ZBTB5: variants seen among roughly 807,000 people sequenced by gnomAD.
ZBTB5 encodes zinc finger and BTB domain containing 5.
ZBTB5 carries 15 observed loss-of-function variants against 37.9 expected under a neutral mutation model. The observed-to-expected ratio is 0.40, with a 90% CI of 0.26 to 0.61. The LOEUF (loss-of-function observed/expected upper bound fraction) is 0.61, where lower values mean the gene tolerates loss of function less well. ZBTB5 is among the 20% of genes least tolerant of loss of function. ZBTB5 has a pLI of 0.47. For synonymous variants in ZBTB5, 315 were observed against 312.4 expected (o/e 1.01, Z -0.09); for missense variants, 708 against 856.8 (o/e 0.83, Z 2.17).
At chr9:37,451,783 G>C (rs1262238556) in intron 1 of ZBTB5, among the ~76,000 whole-genome samples, 2 of 152,132 alleles carry the variant, frequency 1.3e-5, no homozygotes, top group African/African-American at 4.8e-5. Flanking sequence ...TGATTGGTTG[G>C]CTTAGGGATG....
At chr9:37,452,184 C>T (rs148198367) in intron 1 of ZBTB5, among the ~76,000 whole-genome samples, 251 of 152,284 alleles carry the variant, frequency 1.6e-3, no homozygotes, top group African/African-American at 5.6e-3. Flanking sequence ...AAGATGGGGT[C>T]GGTTAGGTCT....
chr9:37,464,217 G>A (rs959803382), intron 1 of ZBTB5, among the ~76,000 whole-genome samples: 43 of 152,188 alleles, frequency 2.8e-4, no homozygotes, highest in African/African-American at 9.9e-4. Flanking sequence ...ATGACTTAAT[G>A]ACTAAGGCAC....
In ZBTB5 at chr9:37,440,996, C is replaced by T. The variant is rs190055921; in HGVS notation, c.1556G>A (p.Arg519Lys). ...SGLGLHSSFSRVMIGSPRGGA... is the reference protein window; with the variant it reads ...SGLGLHSSFSKVMIGSPRGGA... ...TCCCCTTGGGGAACCTATCATTACCCTGGAGAAGGAGGAGTGGAGGCCCAA... is the reference window on the plus strand; with the variant it reads ...TCCCCTTGGGGAACCTATCATTACCTTGGAGAAGGAGGAGTGGAGGCCCAA... Residue 519 changes from arginine to lysine, a missense_variant, in exon 2 of 2, where the codon AGG becomes AAG. Around this residue, in one of 3 missense-constraint regions of ZBTB5, gnomAD observed 639 missense variants for 690.5 expected, o/e 0.93. Transcript: ENST00000307750. 3.6e-5 allele frequency: 58 copies of T among 1,614,204 alleles called. 1 individual carries two copies. The Admixed American group carries it at 6.8e-4, about 19-fold the overall frequency.
At chr9:37,465,053 C>T (rs139139916) in intron 1 of ZBTB5, among the ~76,000 whole-genome samples, 162 bp downstream of exon 1, 38 of 152,330 alleles carry the variant, frequency 2.5e-4, no homozygotes, top group Non-Finnish European at 4.6e-4. Flanking sequence ...GGCCCCTTGG[C>T]TCCAACGGTA....
At chr9:37,460,984 G>A (rs1362600656) in intron 1 of ZBTB5, among the ~76,000 whole-genome samples, 1 of 152,140 alleles carries the variant, frequency 6.6e-6, no homozygotes. Context: ...CAGAGAAGAT[G>A]AACATGGACT....
rs1824375549 is a variant in ZBTB5 at position 37,465,382 on chromosome 9, C to T, written c.-172G>A. The stretch of plus-strand genomic sequence containing the variant: ...TCCCACCCCGCCTCTAGTCCCCTAG[C>T]TCCTCCAGCCAGTTCGCCGCAGCAC... On this transcript the variant is annotated 5_prime_UTR_variant, in exon 1 of 2. Coordinates refer to ENST00000307750, the MANE Select transcript of ZBTB5 (RefSeq NM_014872.3). The T allele has an allele frequency of 6.7e-6, 1 of 148,916 alleles. No individual in the cohort carries two copies. Among genetic ancestry groups the T allele is most frequent in the Non-Finnish European group, 1.5e-5 (1 of 67,090 alleles). The allele number at this position is 148,916 out of a possible 1,614,324, so 9.2% of individuals were successfully genotyped here.
intron 1 of ZBTB5, among the ~76,000 whole-genome samples, chr9:37,454,293 G>T (rs1292185355): frequency 3.3e-5 from 5 of 152,224 alleles, no homozygotes. Flanking sequence ...CAGAAGGCCA[G>T]TCTAAAAGCC....
chr9:37,454,735 T>C (rs1441158105), intron 1 of ZBTB5, among the ~76,000 whole-genome samples: 6 of 152,240 alleles, frequency 3.9e-5, no homozygotes, highest in Admixed American at 3.9e-4. Flanking sequence ...TATACCCACA[T>C]GCTTCTCAAT....
In ZBTB5 at chr9:37,455,910, ATCC is replaced by A. The variant is rs1303951000; in HGVS notation, c.-5+9302_-5+9304del. 2.6e-5 allele frequency among the ~76,000 whole-genome samples: 4 copies of A among 151,814 alleles called. No individual in the cohort carries two copies. The East Asian group carries it at 5.8e-4, about 22-fold the overall frequency. On this transcript the variant is annotated intron_variant, in intron 1 of 1. Coordinates refer to ENST00000307750, the MANE Select transcript of ZBTB5 (RefSeq NM_014872.3). Reference sequence around the variant, plus strand: ...GCTTTTGAACTCCAGCGCTCAAGCAATCCTCCTACCACAGGCTCCGGAAGTGCA... The same window carrying A: ...GCTTTTGAACTCCAGCGCTCAAGCAATCCTACCACAGGCTCCGGAAGTGCA...
At chr9:37,449,891 A>C (rs1824067120) in intron 1 of ZBTB5, among the ~76,000 whole-genome samples, 1 of 152,100 alleles carries the variant, frequency 6.6e-6, no homozygotes. Flanking sequence ...GGTGCCAATC[A>C]TGTTCAAAAT....
intron 1 of ZBTB5, among the ~76,000 whole-genome samples, chr9:37,456,678 C>T (rs1824193427): frequency 6.6e-6 from 1 of 152,220 alleles, no homozygotes; most frequent in Non-Finnish European, 1.5e-5. Flanking sequence ...TAGTGCCCTA[C>T]TTAGGTTCCT....
intron 1 of ZBTB5, among the ~76,000 whole-genome samples, chr9:37,451,576 A>C (rs75795025): frequency 2.0e-5 from 3 of 151,284 alleles, no homozygotes; most frequent in Non-Finnish European, 2.9e-5. Context: ...AAAAAAAAAA[A>C]AGACAGACGT....
intron 1 of ZBTB5, among the ~76,000 whole-genome samples, chr9:37,442,913 A>G (rs1490487901): frequency 6.6e-6 from 1 of 152,246 alleles, no homozygotes; most frequent in African/African-American, 2.4e-5. Context: ...AGGATGAGGA[A>G]TGAATACCAA....
Position 37,442,126 on chromosome 9 carries a change from G to A in ZBTB5, c.426C>T (p.Arg142=). Residue 142 remains arginine (R), a synonymous_variant, in exon 2 of 2, where the codon CGC becomes CGT. Transcript: ENST00000307750. Reference sequence around the variant, plus strand: ...GTCCCAGCTGCTGTAGCATAAAGGAGCGCTGCATGCGGGCGCTCTGCTCCT... The same window carrying A: ...GTCCCAGCTGCTGTAGCATAAAGGAACGCTGCATGCGGGCGCTCTGCTCCT... ...RVQEQSARMQ[R]SFMLQQLGLS... is the part of the protein sequence containing the mutation. 1 of 1,614,212 alleles carries A rather than the reference G, an allele frequency of 6.2e-7. No individual in the cohort carries two copies. Among genetic ancestry groups the A allele is most frequent in the Non-Finnish European group, 8.5e-7 (1 of 1,180,046 alleles).
In ZBTB5 at chr9:37,454,066, CCA is replaced by C. The variant is rs1413219954; in HGVS notation, c.-5+11147_-5+11148del. On this transcript the variant is annotated intron_variant, in intron 1 of 1. Transcript: ENST00000307750. Reference sequence around the variant, plus strand: ...TAACCTGGTTTGTGTTGGATCTCTGCCACACAGTCAAACATGAAGTTCAAATT... The same window carrying C: ...TAACCTGGTTTGTGTTGGATCTCTGCCACAGTCAAACATGAAGTTCAAATT... 1.1e-4 allele frequency among the ~76,000 whole-genome samples: 16 copies of C among 152,272 alleles called. 2 individuals carry two copies. Among genetic ancestry groups the C allele is most frequent in the African/African-American group, 3.9e-4 (16 of 41,554 alleles).
At chr9:37,444,260 G>A (rs984162794) in intron 1 of ZBTB5, among the ~76,000 whole-genome samples, 3 of 152,090 alleles carry the variant, frequency 2.0e-5, no homozygotes, top group Non-Finnish European at 2.9e-5. Flanking sequence ...GTACAGTGGC[G>A]CAATGTCGGC....
chr9:37,455,840 A>G (rs1195756858), intron 1 of ZBTB5, among the ~76,000 whole-genome samples: 1 of 148,518 alleles, frequency 6.7e-6, no homozygotes, highest in Non-Finnish European at 1.5e-5. Flanking sequence ...GTAGGCTAGG[A>G]TTTTTTTTTT....
At chr9:37,460,591 C>T (rs1824275366) in intron 1 of ZBTB5, among the ~76,000 whole-genome samples, 1 of 152,124 alleles carries the variant, frequency 6.6e-6, no homozygotes, top group South Asian at 2.1e-4. Flanking sequence ...GGGTGCTGGG[C>T]ATGGTGGCTC....
rs1487822116 is a variant in ZBTB5, at chr9:37,442,146, G to C, written c.406C>G (p.Gln136Glu). Residue 136 changes from glutamine to glutamate, a missense_variant, in exon 2 of 2, where the codon CAG becomes GAG. Physicochemically the swap from Gln to Glu is conservative, Grantham distance 29. Transcript: ENST00000307750. ...AAGGAGCGCTGCATGCGGGCGCTCT[G>C]CTCCTGAACGCGCTCACTGGGGGGA... Reference protein sequence around the residue: ...MSPPSERVQEQSARMQRSFML... With the variant: ...MSPPSERVQEESARMQRSFML... 1.2e-6 allele frequency: 2 copies of C among 1,614,090 alleles called. No individual in the cohort carries two copies. Among genetic ancestry groups the C allele is most frequent in the Non-Finnish European group, 1.7e-6 (2 of 1,180,052 alleles).
Sources: allele counts gnomAD v4.1 joint callset (sites outside exome capture counted in the v4.1 genomes callset), GRCh38; gene constraint gnomAD v4.1.1; regional missense constraint gnomAD v4.1.1; transcripts MANE v1.5; gene names NCBI Gene and HGNC (gene_info 2026-07-23, HGNC 2026-07-21).